Variants in GRID1 observed in about 807,000 individuals in gnomAD.
GRID1 encodes the protein glutamate receptor ionotropic, delta-1.
GRID1 carries 28 observed loss-of-function variants against 98.0 expected under a neutral mutation model. The observed-to-expected ratio is 0.29, with a 90% CI of 0.21 to 0.39. The LOEUF (loss-of-function observed/expected upper bound fraction) is 0.39. Among genes scored for constraint, GRID1 ranks in the 10% least tolerant of loss-of-function variants. The probability of loss-of-function intolerance (pLI) is 1.00; values close to 1 mark genes in which losing one functional copy is unlikely to be tolerated. For synonymous variants in GRID1, 553 were observed against 538.5 expected (o/e 1.03, Z -0.37); for missense variants, 1,111 against 1,340.5 (o/e 0.83, Z 2.67).
At chr10:85,722,467 G>A (rs760814288) in intron 12 of GRID1, among the ~76,000 whole-genome samples, 2 of 152,018 alleles carry the variant, frequency 1.3e-5, no homozygotes, top group African/African-American at 2.4e-5. Flanking sequence ...GCTATATTGA[G>A]CTCATTCTTT....
intron 2 of GRID1, among the ~76,000 whole-genome samples, chr10:86,271,533 T>C (rs764456209): frequency 6.6e-6 from 1 of 152,208 alleles, no homozygotes; most frequent in Non-Finnish European, 1.5e-5. Flanking sequence ...TATAACTACA[T>C]GCCGTATGTT....
chr10:85,869,498 A>C (rs761907425), intron 5 of GRID1, among the ~76,000 whole-genome samples: 2 of 152,218 alleles, frequency 1.3e-5, no homozygotes, highest in Non-Finnish European at 2.9e-5. Flanking sequence ...CATTAGCAAG[A>C]CAGAAAGGCT....
At chr10:85,957,130 T>A (rs1377124838) in intron 4 of GRID1, among the ~76,000 whole-genome samples, 1 of 152,134 alleles carries the variant, frequency 6.6e-6, no homozygotes, top group East Asian at 1.9e-4. Context: ...GCCCCCATGA[T>A]CTAATCACCT....
At chr10:86,358,586 G>A (rs1439792067) in intron 2 of GRID1, among the ~76,000 whole-genome samples, 3 of 151,836 alleles carry the variant, frequency 2.0e-5, no homozygotes, top group South Asian at 2.1e-4. Context: ...GTGAAATCCC[G>A]TCTCTACTAA....
chr10:85,755,497 A>G (rs907003459), intron 8 of GRID1, among the ~76,000 whole-genome samples: 4 of 152,228 alleles, frequency 2.6e-5, no homozygotes, highest in Non-Finnish European at 5.9e-5. Context: ...CACTTCTGCC[A>G]CATGCTAGTG....
chr10:85,901,449 C>G (rs1304063134), intron 5 of GRID1, among the ~76,000 whole-genome samples: 1 of 151,956 alleles, frequency 6.6e-6, no homozygotes, highest in Admixed American at 6.6e-5. Flanking sequence ...GGGGTTTCAC[C>G]GTGTTAGCCA....
chr10:86,048,060 A>G (rs1272149320), intron 4 of GRID1, among the ~76,000 whole-genome samples: 2 of 152,116 alleles, frequency 1.3e-5, no homozygotes, highest in African/African-American at 4.8e-5. Context: ...CAAGTTCACC[A>G]TCCTTGCACA....
intron 5 of GRID1, among the ~76,000 whole-genome samples, chr10:85,886,449 T>C (rs1841119129): frequency 6.6e-6 from 1 of 152,230 alleles, no homozygotes; most frequent in South Asian, 2.1e-4. Flanking sequence ...ACAACCTTAC[T>C]GATTCACACT....
chr10:86,258,967 G>C (rs1396447637), intron 2 of GRID1, among the ~76,000 whole-genome samples: 1 of 152,290 alleles, frequency 6.6e-6, no homozygotes, highest in East Asian at 1.9e-4. Flanking sequence ...GAAATCAAAA[G>C]GACAAAACCA....
chr10:85,817,878 A>G (rs1056403424), intron 8 of GRID1, among the ~76,000 whole-genome samples: 8 of 152,118 alleles, frequency 5.3e-5, no homozygotes, highest in Non-Finnish European at 1.0e-4. Context: ...GTGACAAAAC[A>G]AGACTCCGTC....
chr10:85,689,202 G>C (rs1229005895), intron 12 of GRID1, among the ~76,000 whole-genome samples: 1 of 152,098 alleles, frequency 6.6e-6, no homozygotes, highest in Non-Finnish European at 1.5e-5. Flanking sequence ...TTGTAGAATA[G>C]CAAATGTGCC....
At chr10:85,847,318 C>G (rs932348641) in intron 8 of GRID1, among the ~76,000 whole-genome samples, 2 of 152,162 alleles carry the variant, frequency 1.3e-5, no homozygotes, top group Non-Finnish European at 2.9e-5. Context: ...TGAAAAAGAC[C>G]TGGGCCTTTG....
At chr10:85,707,922 A>G (rs921022953) in intron 12 of GRID1, among the ~76,000 whole-genome samples, 3 of 151,832 alleles carry the variant, frequency 2.0e-5, no homozygotes, top group African/African-American at 7.3e-5. Flanking sequence ...ATGAGAACAC[A>G]TGGACACAGG....
intron 6 of GRID1, among the ~76,000 whole-genome samples, chr10:85,865,419 A>C (rs1040027525): frequency 6.6e-6 from 1 of 152,192 alleles, no homozygotes; most frequent in Non-Finnish European, 1.5e-5. Flanking sequence ...AGCTCAATAG[A>C]GAAGCTAAGG....
At chr10:86,139,915 T>C (rs1235947746) in intron 3 of GRID1, among the ~76,000 whole-genome samples, 1 of 152,190 alleles carries the variant, frequency 6.6e-6, no homozygotes, top group Non-Finnish European at 1.5e-5. Flanking sequence ...GCCAAAATCA[T>C]CTCTTAGCAG....
intron 4 of GRID1, among the ~76,000 whole-genome samples, chr10:86,056,603 G>T (rs186651181): frequency 9.8e-5 from 15 of 152,312 alleles, no homozygotes; most frequent in African/African-American, 3.1e-4. Context: ...AGCACAGACA[G>T]ATGGTAGGAC....
At chr10:85,854,053 T>C (rs1843085598) in intron 8 of GRID1, among the ~76,000 whole-genome samples, 1 of 152,210 alleles carries the variant, frequency 6.6e-6, no homozygotes, top group Non-Finnish European at 1.5e-5. Flanking sequence ...TCCACCCTCC[T>C]TGCAGCTCCA....
intron 8 of GRID1, among the ~76,000 whole-genome samples, chr10:85,815,389 T>C (rs987429572): frequency 5.9e-5 from 9 of 152,052 alleles, no homozygotes; most frequent in African/African-American, 2.2e-4. Context: ...GGAAGGCATG[T>C]AATAAGACAA....
chr10:85,813,119 G>C lies in GRID1; in HGVS notation c.1233+41377C>G, dbSNP rs1215527368. ...CTCTACATTAAATGGTTTAATTGAT[G>C]TGCCATTGGAGCCCCAGAAGAAGAG... On this transcript the variant is annotated intron_variant, in intron 8 of 15. Transcript: ENST00000327946. Among the ~76,000 whole-genome samples the C allele has an allele frequency of 2.6e-5, 4 of 151,836 alleles. No homozygotes were observed. In the East Asian group the frequency reaches 7.7e-4, roughly 29 times the overall value.
Sources: allele counts gnomAD v4.1 joint callset (sites outside exome capture counted in the v4.1 genomes callset), GRCh38; gene constraint gnomAD v4.1.1; transcripts MANE v1.5; gene names NCBI Gene and HGNC (gene_info 2026-07-23, HGNC 2026-07-21).